The following EYA1 variants were observed in gnomAD, a reference collection of about 807,000 sequenced individuals.
EYA1 encodes the protein protein phosphatase EYA1.
A neutral mutation model predicts 82.0 loss-of-function variants in EYA1; 16 were observed. That is an observed-to-expected ratio of 0.20 (90% CI 0.13 to 0.30). The LOEUF (loss-of-function observed/expected upper bound fraction) is 0.30, where lower values mean the gene tolerates loss of function less well. Among genes scored for constraint, EYA1 ranks in the 10% least tolerant of loss-of-function variants. The pLI is 1.00. For missense variants in EYA1, 633 were observed against 730.7 expected, an observed-to-expected ratio of 0.87 and a Z score of 1.54; for synonymous variants, 261 against 264.4, an observed-to-expected ratio of 0.99 and a Z score of 0.12.
chr8:71,466,442 G>A (rs1322863516), intron 2 of EYA1, among the ~76,000 whole-genome samples: 1 of 152,108 alleles, frequency 6.6e-6, no homozygotes, highest in African/African-American at 2.4e-5. Flanking sequence ...TAACATGAGT[G>A]ATATGAAGTA....
intron 2 of EYA1, among the ~76,000 whole-genome samples, chr8:71,401,462 A>G (rs1404076667): frequency 1.3e-5 from 2 of 152,102 alleles, no homozygotes; most frequent in African/African-American, 4.8e-5. Context: ...TAAATAATTA[A>G]TTTTCATTGT....
At chr8:71,218,854 G>A (rs1026613301) in intron 12 of EYA1, among the ~76,000 whole-genome samples, 21 of 151,924 alleles carry the variant, frequency 1.4e-4, no homozygotes, top group African/African-American at 3.9e-4. Context: ...AGGCCATAGC[G>A]CCATGATGGA....
chr8:71,313,659 G>A (rs1265988143), intron 7 of EYA1, among the ~76,000 whole-genome samples: 1 of 152,178 alleles, frequency 6.6e-6, no homozygotes, highest in Non-Finnish European at 1.5e-5. Flanking sequence ...GGAAACACAT[G>A]TGAAGGAGTC....
chr8:71,455,232 A>G (rs931950177), intron 2 of EYA1, among the ~76,000 whole-genome samples: 3 of 152,220 alleles, frequency 2.0e-5, no homozygotes, highest in Non-Finnish European at 4.4e-5. Flanking sequence ...TGAATAGACC[A>G]ATAAGAGGTT....
At chr8:71,294,372 T>C (rs561613097) in intron 9 of EYA1, among the ~76,000 whole-genome samples, 2 of 152,096 alleles carry the variant, frequency 1.3e-5, no homozygotes, top group Admixed American at 6.5e-5. Context: ...GGCAGGAGAA[T>C]GGCGTGAACC....
At chr8:71,318,306 C>T (rs1230957431) in intron 6 of EYA1, among the ~76,000 whole-genome samples, 1 of 152,148 alleles carries the variant, frequency 6.6e-6, no homozygotes, top group African/African-American at 2.4e-5. Context: ...GGAAGCAGAA[C>T]ACTAATGAGC....
intron 2 of EYA1, among the ~76,000 whole-genome samples, chr8:71,460,020 C>T (rs1254267322): frequency 6.6e-6 from 1 of 152,146 alleles, no homozygotes; most frequent in Non-Finnish European, 1.5e-5. Flanking sequence ...CTGTCATCTA[C>T]TCGTCAAGTC....
chr8:71,361,568 C>T (rs188448607), intron 1 of EYA1, 79 bp downstream of exon 1: 1 of 684,438 alleles, frequency 1.5e-6, no homozygotes, highest in African/African-American at 1.9e-5. Flanking sequence ...AATAAAAGCG[C>T]TCCTGTTAGC....
chr8:71,266,806 G>C (rs903254951), intron 11 of EYA1, among the ~76,000 whole-genome samples: 22 of 152,098 alleles, frequency 1.4e-4, no homozygotes, highest in African/African-American at 5.3e-4. Context: ...GTCCAACACT[G>C]AACTCTCCCT....
At chr8:71,387,566 A>G (rs954382673) in intron 2 of EYA1, among the ~76,000 whole-genome samples, 1 of 152,136 alleles carries the variant, frequency 6.6e-6, no homozygotes, top group South Asian at 2.1e-4. Context: ...AATTATTGGA[A>G]CAGAATGATT....
chr8:71,509,222 C>T (rs1161397952), intron 2 of EYA1, among the ~76,000 whole-genome samples: 4 of 151,902 alleles, frequency 2.6e-5, no homozygotes, highest in Admixed American at 2.0e-4. Context: ...AAGAGAGACC[C>T]GGTCTCAAAA....
In EYA1 at chr8:71,216,739, T is replaced by C. The variant is rs1374801818; in HGVS notation, c.1313A>G (p.Tyr438Cys). The C allele has an allele frequency of 3.1e-6, 5 of 1,614,058 alleles. No homozygotes were observed. The highest frequency in any genetic ancestry group is 4.2e-6 in the Non-Finnish European group (5 of 1,180,004). Residue 438 changes from tyrosine (Y) to cysteine (C), a missense_variant, in exon 14 of 18, where the codon TAC becomes TGC. Transcript: ENST00000340726. ...VDWMRKLAFR[Y>C]RRVKEIYNTY... ...GTTGTAGATCTCTTTTACCCGTCTGTAGCGGAAGGCCAACTTTCTCATCCA... is the reference window on the plus strand; with the variant it reads ...GTTGTAGATCTCTTTTACCCGTCTGCAGCGGAAGGCCAACTTTCTCATCCA...
chr8:71,283,290 C>T (rs546743051), intron 9 of EYA1, among the ~76,000 whole-genome samples: 1 of 152,316 alleles, frequency 6.6e-6, no homozygotes, highest in Admixed American at 6.5e-5. Context: ...TTCCTGAAGG[C>T]CTCTGCTCAA....
intron 2 of EYA1, among the ~76,000 whole-genome samples, chr8:71,369,382 T>C (rs1361697181): frequency 6.6e-6 from 1 of 152,198 alleles, no homozygotes; most frequent in African/African-American, 2.4e-5. Context: ...ACTCACCAGA[T>C]TAAAACAAAT....
chr8:71,423,680 G>T (rs1009061459), intron 2 of EYA1, among the ~76,000 whole-genome samples: 2 of 152,108 alleles, frequency 1.3e-5, no homozygotes, highest in Non-Finnish European at 2.9e-5. Context: ...CATTTAATGT[G>T]TTTCAAATAT....
intron 3 of EYA1, among the ~76,000 whole-genome samples, chr8:71,336,472 A>C (rs1053438049): frequency 6.6e-6 from 1 of 152,230 alleles, no homozygotes; most frequent in Non-Finnish European, 1.5e-5. Context: ...GCTATGATTC[A>C]ACAGATTCTA....
chr8:71,429,689 T>G (rs1805488565), intron 2 of EYA1, among the ~76,000 whole-genome samples: 1 of 152,184 alleles, frequency 6.6e-6, no homozygotes. Flanking sequence ...AGACAGAGGT[T>G]ATGAGCCCAG....
intron 2 of EYA1, among the ~76,000 whole-genome samples, chr8:71,425,414 T>G (rs1178587849): frequency 6.6e-6 from 1 of 152,216 alleles, no homozygotes. Flanking sequence ...GCTAATGATT[T>G]TTACAGATCC....
chr8:71,490,253 T>A (rs1055549998), intron 2 of EYA1, among the ~76,000 whole-genome samples: 6 of 152,216 alleles, frequency 3.9e-5, no homozygotes, highest in Non-Finnish European at 8.8e-5. Context: ...TTTGAGAAGA[T>A]GGTTGCCATT....
Sources: gnomAD v4.1 joint callset for allele counts (sites outside exome capture counted in the v4.1 genomes callset) on GRCh38, gnomAD v4.1.1 for gene constraint, MANE v1.5 for transcripts, NCBI Gene and HGNC (gene_info 2026-07-23, HGNC 2026-07-21) for gene names.